The following NKAIN2 variants were observed in gnomAD, a reference collection of about 807,000 sequenced individuals.
NKAIN2 encodes the protein sodium/potassium-transporting ATPase subunit beta-1-interacting protein 2.
A neutral mutation model predicts 32.6 loss-of-function variants in NKAIN2; 14 were observed. That is an observed-to-expected ratio of 0.43 (90% CI 0.28 to 0.67). The LOEUF (loss-of-function observed/expected upper bound fraction) is 0.67. NKAIN2 is among the 30% of genes least tolerant of loss of function. NKAIN2 has a pLI of 0.17. For synonymous variants in NKAIN2, 80 were observed against 87.2 expected (o/e 0.92, Z 0.46); for missense variants, 198 against 258.3 (o/e 0.77, Z 1.60).
At chr6:124,807,523 C>T (rs1780636439) in intron 5 of NKAIN2, among the ~76,000 whole-genome samples, 1 of 148,924 alleles carries the variant, frequency 6.7e-6, no homozygotes, top group East Asian at 2.0e-4. Flanking sequence ...ACTAAATGCC[C>T]ACAAGAGAAA....
intron 1 of NKAIN2, among the ~76,000 whole-genome samples, chr6:124,045,034 T>C (rs1452747622): frequency 6.6e-6 from 1 of 152,126 alleles, no homozygotes. Context: ...TGCTTGGAAT[T>C]ATTCAGCTGA....
chr6:123,908,176 T>C (rs1365291849), intron 1 of NKAIN2, among the ~76,000 whole-genome samples: 3 of 152,114 alleles, frequency 2.0e-5, no homozygotes, highest in African/African-American at 7.2e-5. Flanking sequence ...TTGCAGTCTT[T>C]GTAAGAAAAT....
chr6:124,135,489 C>A lies in NKAIN2; in HGVS notation c.55-147516C>A, dbSNP rs1171400419. On this transcript the variant is annotated intron_variant, in intron 1 of 6. Coordinates refer to ENST00000368417, the MANE Select transcript of NKAIN2 (RefSeq NM_001040214.3). ...CAGGAGTAGCTATTCTTATATCACA[C>A]AAAACAGACTTTAAAGCAACGATAG... is the stretch of plus-strand genomic sequence containing the variant. Among the ~76,000 whole-genome samples the A allele has an allele frequency of 1.1e-4, 12 of 111,282 alleles. No individual in the cohort carries two copies. The East Asian group carries it at 2.9e-3, about 27-fold the overall frequency. 73.0% of individuals were successfully genotyped at this position (111,282 alleles called of 152,430 possible).
At chr6:124,024,864 G>C (rs936610869) in intron 1 of NKAIN2, among the ~76,000 whole-genome samples, 2 of 151,966 alleles carry the variant, frequency 1.3e-5, no homozygotes, top group African/African-American at 4.8e-5. Context: ...GCACATGCCT[G>C]TAATCTCAGC....
intron 1 of NKAIN2, among the ~76,000 whole-genome samples, chr6:124,037,145 A>G (rs1221792437): frequency 6.6e-6 from 1 of 152,108 alleles, no homozygotes; most frequent in East Asian, 1.9e-4. Flanking sequence ...CAATGTGGTA[A>G]AAGAGGAAGT....
intron 4 of NKAIN2, among the ~76,000 whole-genome samples, chr6:124,727,884 C>T (rs1776417223): frequency 6.8e-6 from 1 of 146,214 alleles, no homozygotes; most frequent in Non-Finnish European, 1.5e-5. Context: ...AAACGGAAAA[C>T]AAAAAAAGGC....
At chr6:124,545,888 G>A (rs1196352456) in intron 3 of NKAIN2, among the ~76,000 whole-genome samples, 1 of 151,946 alleles carries the variant, frequency 6.6e-6, no homozygotes, top group African/African-American at 2.4e-5. Flanking sequence ...ATTTGATTCT[G>A]TGTTAGTGAC....
At chr6:123,926,089 C>T (rs916330937) in intron 1 of NKAIN2, among the ~76,000 whole-genome samples, 1 of 152,128 alleles carries the variant, frequency 6.6e-6, no homozygotes, top group Non-Finnish European at 1.5e-5. Context: ...TCCATAAGGG[C>T]TATAACCTCA....
intron 1 of NKAIN2, among the ~76,000 whole-genome samples, chr6:124,214,412 T>C (rs1017293014): frequency 1.3e-5 from 2 of 152,220 alleles, no homozygotes; most frequent in African/African-American, 2.4e-5. Flanking sequence ...TAATAATAGC[T>C]GTGTTTAACA....
chr6:124,165,187 A>C (rs1305868732), intron 1 of NKAIN2, among the ~76,000 whole-genome samples: 1 of 152,068 alleles, frequency 6.6e-6, no homozygotes, highest in Admixed American at 6.6e-5. Context: ...GACTATAAAA[A>C]TTTTAAACAT....
At chr6:124,782,279 T>C (rs1779306478) in intron 4 of NKAIN2, among the ~76,000 whole-genome samples, 2 of 152,256 alleles carry the variant, frequency 1.3e-5, no homozygotes, top group South Asian at 4.1e-4. Flanking sequence ...TTTTGTATAA[T>C]ATTAATCAAT....
At chr6:124,521,550 T>C (rs1779120088) in intron 3 of NKAIN2, among the ~76,000 whole-genome samples, 1 of 152,220 alleles carries the variant, frequency 6.6e-6, no homozygotes, top group African/African-American at 2.4e-5. Context: ...AATACGTGAA[T>C]GCTGGATACT....
chr6:124,773,001 A>C lies in NKAIN2; in HGVS notation c.475-18338A>C, dbSNP rs377704037. Among the ~76,000 whole-genome samples the C allele has an allele frequency of 1.4e-3, 75 of 52,974 alleles. No individual in the cohort carries two copies. In the South Asian group the frequency reaches 0.068, roughly 48 times the overall value. 34.8% of individuals were successfully genotyped at this position (52,974 alleles called of 152,430 possible). ...GAACCCAAAACTAAGACTGAAATTC[A>C]TAAGTAGGTGGGAGAAAAAAACATA... is the stretch of plus-strand genomic sequence containing the variant. On this transcript the variant is annotated intron_variant, in intron 4 of 6. Transcript: ENST00000368417.
chr6:124,300,689 C>G (rs1016006704), intron 2 of NKAIN2, among the ~76,000 whole-genome samples: 1 of 152,126 alleles, frequency 6.6e-6, no homozygotes, highest in Non-Finnish European at 1.5e-5. Flanking sequence ...CCGAGGTGGT[C>G]TCAGATGGAG....
chr6:124,578,990 G>C (rs1233123673), intron 3 of NKAIN2, among the ~76,000 whole-genome samples: 2 of 152,198 alleles, frequency 1.3e-5, no homozygotes, highest in Non-Finnish European at 2.9e-5. Flanking sequence ...AAGACCATCA[G>C]GGCAGCATCT....
intron 4 of NKAIN2, among the ~76,000 whole-genome samples, chr6:124,726,433 C>T (rs1240147902): frequency 6.6e-6 from 1 of 152,126 alleles, no homozygotes; most frequent in Admixed American, 6.5e-5. Context: ...GGGAGGCACC[C>T]CCCAGCAGGG....
chr6:123,863,662 C>G (rs1002445848), intron 1 of NKAIN2, among the ~76,000 whole-genome samples: 2 of 152,156 alleles, frequency 1.3e-5, no homozygotes, highest in Admixed American at 6.5e-5. Context: ...GTTGGTACAC[C>G]TTGGTGCCTT....
intron 1 of NKAIN2, among the ~76,000 whole-genome samples, chr6:123,998,482 A>C (rs1293680483): frequency 3.9e-5 from 6 of 152,156 alleles, no homozygotes; most frequent in South Asian, 2.1e-4. Flanking sequence ...GTGACGTTTG[A>C]AATCGAAAAC....
intron 4 of NKAIN2, among the ~76,000 whole-genome samples, chr6:124,725,499 A>G (rs1776235591): frequency 6.6e-6 from 1 of 152,208 alleles, no homozygotes; most frequent in South Asian, 2.1e-4. Context: ...GATCTTTTAG[A>G]GAAAGAATCT....
Sources: gnomAD v4.1 joint callset for allele counts (sites outside exome capture counted in the v4.1 genomes callset) on GRCh38, gnomAD v4.1.1 for gene constraint, MANE v1.5 for transcripts, NCBI Gene and HGNC (gene_info 2026-07-23, HGNC 2026-07-21) for gene names.